CACNB2: variants seen among roughly 807,000 people sequenced by gnomAD.
The protein encoded by CACNB2 is calcium voltage-gated channel auxiliary subunit beta 2.
In CACNB2, 42 loss-of-function variants were observed where a neutral mutation model predicts 73.3. The observed-to-expected ratio is 0.57, with a 90% CI of 0.45 to 0.74. CACNB2 has a LOEUF of 0.74. Ranked by LOEUF, CACNB2 falls within the 30% of genes least tolerant of loss-of-function variation. The probability of loss-of-function intolerance (pLI) is 0.00; values close to 1 mark genes in which losing one functional copy is unlikely to be tolerated. For missense variants in CACNB2, 940 were observed against 853.0 expected (o/e 1.10, Z -1.27); for synonymous variants, 348 against 310.3 (o/e 1.12, Z -1.28).
chr10:18,293,946 G>A (rs1417948749), intron 2 of CACNB2, among the ~76,000 whole-genome samples: 1 of 152,182 alleles, frequency 6.6e-6, no homozygotes, highest in Admixed American at 6.5e-5. Context: ...ATTGAATGAC[G>A]TTTCCCTGCA....
At chr10:18,498,780 T>C (rs1046548258) in intron 4 of CACNB2, 19 of 339,766 alleles carry the variant, frequency 5.6e-5, no homozygotes, top group African/African-American at 2.6e-4. Flanking sequence ...TTTTAATGTT[T>C]CACCTTGACT....
chr10:18,236,529 AG>A (rs2036453300), intron 2 of CACNB2, among the ~76,000 whole-genome samples: 1 of 152,198 alleles, frequency 6.6e-6, no homozygotes. Flanking sequence ...CCCAAGAGCA[AG>A]GGGCCACCTT....
chr10:18,198,636 G>C (rs992133212), intron 2 of CACNB2, among the ~76,000 whole-genome samples: 1 of 152,190 alleles, frequency 6.6e-6, no homozygotes, highest in Non-Finnish European at 1.5e-5. Context: ...TGTTCTTGCA[G>C]ATTCATCTTC....
intron 2 of CACNB2, among the ~76,000 whole-genome samples, chr10:18,273,982 G>C (rs2038167328): frequency 1.3e-5 from 2 of 152,100 alleles, no homozygotes. Flanking sequence ...AACAAACACT[G>C]TTCTGTTGAA....
chr10:18,261,346 C>T, intron 2 of CACNB2: 1 of 1,551,602 alleles, frequency 6.4e-7, no homozygotes, highest in Non-Finnish European at 8.7e-7. Context: ...AGAATTGCAG[C>T]TGGGAGCTGA....
At chr10:18,406,982 T>C (rs749180466) in intron 3 of CACNB2, among the ~76,000 whole-genome samples, 1 of 152,102 alleles carries the variant, frequency 6.6e-6, no homozygotes, top group Non-Finnish European at 1.5e-5. Context: ...GGTTAGTTTC[T>C]TGAGAAAATG....
intron 2 of CACNB2, among the ~76,000 whole-genome samples, chr10:18,317,668 G>T (rs915688143): frequency 1.3e-5 from 2 of 152,126 alleles, no homozygotes; most frequent in African/African-American, 2.4e-5. Context: ...CCTCATCTTG[G>T]CTATTGTGAA....
chr10:18,349,543 A>G (rs2041616590), intron 2 of CACNB2, among the ~76,000 whole-genome samples: 2 of 152,150 alleles, frequency 1.3e-5, no homozygotes, highest in African/African-American at 4.8e-5. Context: ...TGCCATTAAA[A>G]TTGATGACAA....
At chr10:18,411,061 T>C (rs910069965) in intron 3 of CACNB2, among the ~76,000 whole-genome samples, 6 of 152,222 alleles carry the variant, frequency 3.9e-5, no homozygotes, top group Non-Finnish European at 5.9e-5. Flanking sequence ...CACATTCTTA[T>C]TAAAATATTT....
intron 9 of CACNB2, among the ~76,000 whole-genome samples, chr10:18,522,501 C>T (rs1209153043): frequency 6.6e-6 from 1 of 152,086 alleles, no homozygotes; most frequent in Non-Finnish European, 1.5e-5. Context: ...CCTACTACTA[C>T]AACCATTTCT....
At chr10:18,495,992 C>T (rs904661153) in intron 3 of CACNB2, among the ~76,000 whole-genome samples, 1 of 151,900 alleles carries the variant, frequency 6.6e-6, no homozygotes, top group Admixed American at 6.6e-5. Context: ...TCGAGACCAG[C>T]CTGGCCAATA....
intron 2 of CACNB2, among the ~76,000 whole-genome samples, chr10:18,294,119 T>C (rs1259107223): frequency 1.3e-5 from 2 of 152,202 alleles, no homozygotes; most frequent in East Asian, 1.9e-4. Context: ...CAGAAGATCA[T>C]GTAACTCTTC....
chr10:18,410,364 T>C (rs114004489), intron 3 of CACNB2, among the ~76,000 whole-genome samples: 2,113 of 152,256 alleles, frequency 0.014, 64 homozygotes, highest in African/African-American at 0.048. Flanking sequence ...TCAGTAAACA[T>C]ACTACAAAAA....
intron 3 of CACNB2, among the ~76,000 whole-genome samples, chr10:18,485,566 T>C (rs2049013541): frequency 6.7e-6 from 1 of 150,274 alleles, no homozygotes; most frequent in African/African-American, 2.4e-5. Context: ...CTCTTTTTTT[T>C]TTTTTTTTTT....
At chr10:18,227,593 T>C (rs910597494) in intron 2 of CACNB2, among the ~76,000 whole-genome samples, 1 of 152,134 alleles carries the variant, frequency 6.6e-6, no homozygotes, top group Non-Finnish European at 1.5e-5. Flanking sequence ...GGGTGATTTA[T>C]TGAGGGAACT....
chr10:18,216,630 G>T (rs1158252044), intron 2 of CACNB2, among the ~76,000 whole-genome samples: 2 of 152,168 alleles, frequency 1.3e-5, no homozygotes, highest in Non-Finnish European at 2.9e-5. Context: ...GATAGCTTGT[G>T]CAGAAGAACA....
intron 9 of CACNB2, among the ~76,000 whole-genome samples, chr10:18,522,362 C>T (rs866599203): frequency 6.6e-6 from 1 of 152,098 alleles, no homozygotes; most frequent in Non-Finnish European, 1.5e-5. Context: ...AACCGGTCCA[C>T]GGAAAAGTTG....
At chr10:18,409,576 C>G (rs944030961) in intron 3 of CACNB2, among the ~76,000 whole-genome samples, 33 of 152,194 alleles carry the variant, frequency 2.2e-4, no homozygotes, top group African/African-American at 7.7e-4. Flanking sequence ...CTGTCTGACT[C>G]TGGACAATGT....
intron 2 of CACNB2, among the ~76,000 whole-genome samples, chr10:18,376,769 A>G (rs10828605): frequency 0.25 from 38,396 of 151,636 alleles, 5,287 homozygotes; most frequent in East Asian, 0.65. Context: ...ATCTTCCCAG[A>G]GGGTTTATCT....
Sources: gnomAD v4.1 joint callset for allele counts (sites outside exome capture counted in the v4.1 genomes callset) on GRCh38, gnomAD v4.1.1 for gene constraint, MANE v1.5 for transcripts, NCBI Gene and HGNC (gene_info 2026-07-23, HGNC 2026-07-21) for gene names.